UBP1: variants seen among roughly 807,000 people sequenced by gnomAD.
UBP1 encodes the protein upstream binding protein 1, also known as upstream-binding protein 1.
Under a neutral mutation model 76.1 loss-of-function variants are expected in UBP1, and 22 were observed. That is an observed-to-expected ratio of 0.29 (90% confidence interval 0.21 to 0.41). The LOEUF is 0.41. UBP1 is among the 10% of genes least tolerant of loss of function. UBP1 has a pLI of 1.00. For synonymous variants in UBP1, 224 were observed against 237.1 expected (o/e 0.94, Z 0.51); for missense variants, 436 against 668.1 (o/e 0.65, Z 3.83).
At chr3:33,422,600 C>A (rs1254699105) in intron 2 of UBP1, among the ~76,000 whole-genome samples, 5 of 151,916 alleles carry the variant, frequency 3.3e-5, no homozygotes, top group Non-Finnish European at 7.4e-5. Flanking sequence ...TGTCCTGTGC[C>A]TGTAGTCCCA....
chr3:33,425,646 G>A lies in UBP1; in HGVS notation c.209C>T (p.Ala70Val). 3.1e-6 allele frequency: 5 copies of A among 1,600,366 alleles called. No homozygotes were observed. Among genetic ancestry groups the A allele is most frequent in the Non-Finnish European group, 4.3e-6 (5 of 1,169,722 alleles). The change falls in exon 2 of 16, where the codon GCT (alanine) becomes GTT (valine). Residue 70 changes from alanine to valine, a missense_variant. Ala to Val is a moderately conservative substitution (Grantham distance 64). Coordinates refer to ENST00000283629, the MANE Select transcript of UBP1 (RefSeq NM_014517.5). ...EHPPFQYVMC[A>V]ATSPAVKLHD... is the part of the protein sequence containing the mutation. Reference sequence around the variant, plus strand: ...CAGTTTTACTGCTGGTGACGTTGCAGCACACATCACATACTGAAAGGGTGG... The same window carrying A: ...CAGTTTTACTGCTGGTGACGTTGCAACACACATCACATACTGAAAGGGTGG...
intron 13 of UBP1, among the ~76,000 whole-genome samples, chr3:33,394,817 GT>G (rs76142927): frequency 0.032 from 3,481 of 110,402 alleles, 87 homozygotes; most frequent in African/African-American, 0.074. Context: ...CCCTCCACTT[GT>G]TTTTTTTTTT....
chr3:33,422,577 T>C (rs2044925148), intron 2 of UBP1, among the ~76,000 whole-genome samples: 1 of 151,764 alleles, frequency 6.6e-6, no homozygotes, highest in Non-Finnish European at 1.5e-5. Context: ...TTTTAAAAAT[T>C]TGCCAGGCAT....
chr3:33,408,623 G>T, intron 8 of UBP1, 67 bp downstream of exon 8: 2 of 1,317,376 alleles, frequency 1.5e-6, no homozygotes, highest in Non-Finnish European at 2.1e-6. Flanking sequence ...TGCGGTGGAA[G>T]TTGGTCCTAT....
intron 1 of UBP1, among the ~76,000 whole-genome samples, chr3:33,438,742 C>T (rs1016607924): frequency 6.6e-6 from 1 of 152,166 alleles, no homozygotes; most frequent in Non-Finnish European, 1.5e-5. Context: ...GACCCAATTA[C>T]TTCAAGGAGC....
In UBP1 at chr3:33,389,993, T is replaced by C. The variant is rs1046970560; in HGVS notation, c.*338A>G. On this transcript the variant is annotated 3_prime_UTR_variant, in exon 16 of 16. Transcript: ENST00000283629. ...GCCCACAGTAAGTTTCTACATTCAT[T>C]TCCAAACCGCATACAGTGTAAAAAG... The C allele has an allele frequency of 1.2e-5, 3 of 250,076 alleles. No individual in the cohort carries two copies. Among genetic ancestry groups the C allele is most frequent in the Non-Finnish European group, 1.5e-5 (2 of 130,242 alleles). 15.5% of individuals were successfully genotyped at this position (250,076 alleles called of 1,614,324 possible). A position where few individuals can be genotyped will look rare whatever the true frequency, so the allele number is the denominator to read the frequency against.
At chr3:33,408,645 C>A in intron 8 of UBP1, 45 bp downstream of exon 8, 1 of 1,548,888 alleles carries the variant, frequency 6.5e-7, no homozygotes, top group Non-Finnish European at 8.8e-7. Context: ...TCTAACACTG[C>A]ACAAGGTTTC....
chr3:33,402,701 GTACAA>G (rs1020712027), intron 9 of UBP1, 95 bp downstream of exon 9: 1 of 837,684 alleles, frequency 1.2e-6, no homozygotes, highest in African/African-American at 1.8e-5. Flanking sequence ...TTTCCTTTAG[GTACAA>G]TACAAACAAA....
In UBP1 at chr3:33,389,455, T is replaced by A. The variant is rs902648585; in HGVS notation, c.*876A>T. The stretch of plus-strand genomic sequence containing the variant: ...TGTCTGGGGTAGGGCTTTAAAAATG[T>A]TTAATAGGATGGTGGGGGTGGGGGG... On this transcript the variant is annotated 3_prime_UTR_variant, in exon 16 of 16. Transcript: ENST00000283629. The A allele has an allele frequency of 6.9e-6, 1 of 145,442 alleles. No individual in the cohort carries two copies. Among genetic ancestry groups the A allele is most frequent in the Non-Finnish European group, 1.5e-5 (1 of 66,346 alleles). 9.0% of individuals were successfully genotyped at this position (145,442 alleles called of 1,614,324 possible).
chr3:33,404,141 G>A (rs556401619), intron 8 of UBP1, among the ~76,000 whole-genome samples: 4 of 152,138 alleles, frequency 2.6e-5, no homozygotes, highest in Non-Finnish European at 5.9e-5. Flanking sequence ...GGCCGGGCGC[G>A]GTGGCTCACG....
intron 1 of UBP1, among the ~76,000 whole-genome samples, chr3:33,437,583 GA>G (rs1173233014): frequency 6.6e-6 from 1 of 152,170 alleles, no homozygotes; most frequent in East Asian, 1.9e-4. Context: ...AAGAAAAATA[GA>G]AAGCTGCCTA....
At chr3:33,398,320 A>G (rs2044087498) in intron 11 of UBP1, 1 of 152,232 alleles carries the variant, frequency 6.6e-6, no homozygotes, top group African/African-American at 2.4e-5. Flanking sequence ...CAAAGATCAG[A>G]GAAGCACATC....
chr3:33,404,515 A>C (rs61223108), intron 8 of UBP1, among the ~76,000 whole-genome samples: 1 of 150,924 alleles, frequency 6.6e-6, no homozygotes, highest in African/African-American at 2.4e-5. Context: ...GGTATGGTGG[A>C]GCACACCTGT....
At chr3:33,439,389 A>ACAG (rs2045251683) in intron 1 of UBP1, among the ~76,000 whole-genome samples, 1 of 152,256 alleles carries the variant, frequency 6.6e-6, no homozygotes, top group Non-Finnish European at 1.5e-5. Context: ...CGTACAGTGT[A>ACAG]TTCTAGCTCC....
chr3:33,437,760 G>C (rs1484797785), intron 1 of UBP1, among the ~76,000 whole-genome samples: 6 of 152,188 alleles, frequency 3.9e-5, no homozygotes, highest in Admixed American at 2.0e-4. Flanking sequence ...TCCAGGGCCA[G>C]GCATGGAAAG....
chr3:33,405,317 A>G (rs2044388543), intron 8 of UBP1, among the ~76,000 whole-genome samples: 1 of 152,228 alleles, frequency 6.6e-6, no homozygotes, highest in South Asian at 2.1e-4. Context: ...GAATTTTTTG[A>G]ATGAACAATA....
intron 15 of UBP1, chr3:33,391,436 ACTT>A (rs1409583581): frequency 6.6e-6 from 1 of 152,086 alleles, no homozygotes; most frequent in African/African-American, 2.4e-5. Context: ...GACCTTAACA[ACTT>A]CTACAGCTTT....
Position 33,390,155 on chromosome 3 carries a change from G to A in UBP1, c.*176C>T. The A allele has an allele frequency of 1.6e-6, 1 of 633,874 alleles. No homozygotes were observed. The highest frequency in any genetic ancestry group is 2.8e-5 in the East Asian group (1 of 35,908). 39.3% of individuals were successfully genotyped at this position (633,874 alleles called of 1,614,324 possible). ...ACTCTCATGAGGATGCTTGGCTATGGCAGTGACAGTGAGGAGATTCACCTC... is the reference window on the plus strand; with the variant it reads ...ACTCTCATGAGGATGCTTGGCTATGACAGTGACAGTGAGGAGATTCACCTC... On this transcript the variant is annotated 3_prime_UTR_variant, in exon 16 of 16. Coordinates refer to ENST00000283629, the MANE Select transcript of UBP1 (RefSeq NM_014517.5).
At position 33,439,932 on chromosome 3, in the gene UBP1, G is replaced by C. The variant is rs1046245077; in HGVS notation, c.-84C>G. The C allele has an allele frequency of 4.0e-6, 6 of 1,488,644 alleles. No individual in the cohort carries two copies. In the South Asian group the frequency reaches 4.7e-5, roughly 12 times the overall value. The allele number at this position is 1,488,644 out of a possible 1,614,324, so 92.2% of individuals were successfully genotyped here. The stretch of plus-strand genomic sequence containing the variant: ...GGAGCTCCGCTGGCGCGTCCTGGGG[G>C]AGGGCGCGGGTGAAGCCTCCGGAGG... On this transcript the variant is annotated 5_prime_UTR_variant, in exon 1 of 16. Transcript: ENST00000283629.
Sources: allele counts gnomAD v4.1 joint callset (sites outside exome capture counted in the v4.1 genomes callset), GRCh38; gene constraint gnomAD v4.1.1; transcripts MANE v1.5; gene names NCBI Gene and HGNC (gene_info 2026-07-23, HGNC 2026-07-21).